SAE1: variants seen among roughly 807,000 people sequenced by gnomAD.
SAE1 encodes the protein SUMO-activating enzyme subunit 1.
In SAE1, 11 loss-of-function variants were observed where a neutral mutation model predicts 40.6. The ratio of observed to expected loss-of-function variants is 0.27; its 90% CI spans 0.17 to 0.45. The LOEUF (loss-of-function observed/expected upper bound fraction) is 0.45. Among genes scored for constraint, SAE1 ranks in the 20% least tolerant of loss-of-function variants. The probability of loss-of-function intolerance (pLI) is 1.00; values close to 1 mark genes in which losing one functional copy is unlikely to be tolerated. For missense variants in SAE1, 373 were observed against 427.3 expected (o/e 0.87, Z 1.12); for synonymous variants, 155 against 154.3 (o/e 1.00, Z -0.03).
At chr19:47,206,991 A>T (rs941103358) in intron 8 of SAE1, among the ~76,000 whole-genome samples, 3 of 152,188 alleles carry the variant, frequency 2.0e-5, no homozygotes, top group Non-Finnish European at 2.9e-5. Flanking sequence ...GGCATAGAGT[A>T]GATGCTTAAT....
intron 6 of SAE1, among the ~76,000 whole-genome samples, chr19:47,171,282 CTTTTAATTTTTA>C (rs938594398): frequency 2.6e-5 from 4 of 151,016 alleles, no homozygotes; most frequent in Non-Finnish European, 4.4e-5. Context: ...AAACCTGGCA[CTTTTAATTTTTA>C]TTTTAATTTT....
intron 5 of SAE1, among the ~76,000 whole-genome samples, chr19:47,161,054 TG>T (rs1439501188): frequency 6.6e-6 from 1 of 152,078 alleles, no homozygotes. Flanking sequence ...CAGGCTGGAG[TG>T]CAGTGGCACA....
At chr19:47,175,844 T>C (rs1037599481) in intron 6 of SAE1, among the ~76,000 whole-genome samples, 1 of 152,238 alleles carries the variant, frequency 6.6e-6, no homozygotes, top group Non-Finnish European at 1.5e-5. Context: ...GAAAAAACTC[T>C]GGTGCAGATA....
At chr19:47,188,170 G>A (rs2058555756) in intron 6 of SAE1, among the ~76,000 whole-genome samples, 1 of 151,902 alleles carries the variant, frequency 6.6e-6, no homozygotes, top group Non-Finnish European at 1.5e-5. Context: ...GCAACATGGT[G>A]AGACCTCGTC....
At chr19:47,170,753 C>T (rs907129356) in intron 6 of SAE1, among the ~76,000 whole-genome samples, 5 of 152,182 alleles carry the variant, frequency 3.3e-5, no homozygotes, top group Admixed American at 6.6e-5. Flanking sequence ...GTGAAATCCC[C>T]GCGTTGGCCT....
intron 6 of SAE1, chr19:47,180,252 A>G (rs2123275471): frequency 2.2e-6 from 1 of 456,310 alleles, no homozygotes. Context: ...AAGAGAAACC[A>G]GGGTTCCTTG....
intron 6 of SAE1, among the ~76,000 whole-genome samples, chr19:47,175,566 GTCT>G (rs2058464209): frequency 1.3e-5 from 2 of 151,910 alleles, no homozygotes; most frequent in South Asian, 4.1e-4. Context: ...GTGAAATCCC[GTCT>G]CTACTAAAAA....
In SAE1 at chr19:47,155,727, C is replaced by T. The variant is rs531953111; in HGVS notation, c.627+514C>T. 3.3e-5 allele frequency among the ~76,000 whole-genome samples: 5 copies of T among 151,418 alleles called. No homozygotes were observed. The South Asian group carries it at 1.0e-3, about 32-fold the overall frequency. On this transcript the variant is annotated intron_variant, in intron 5 of 8. Coordinates refer to ENST00000270225, the MANE Select transcript of SAE1 (RefSeq NM_005500.3). The stretch of plus-strand genomic sequence containing the variant: ...AAAGTGCTGGGATTACAGGCGTGAG[C>T]CACCATGCCCGGCCCCATACCCTTT...
At chr19:47,163,453 C>T (rs879116289) in intron 5 of SAE1, among the ~76,000 whole-genome samples, 2 of 152,042 alleles carry the variant, frequency 1.3e-5, no homozygotes, top group African/African-American at 2.4e-5. Flanking sequence ...GGAGGCCAGG[C>T]GCAGTGCCTC....
At chr19:47,183,250 A>T (rs1035123048) in intron 6 of SAE1, among the ~76,000 whole-genome samples, 1 of 151,852 alleles carries the variant, frequency 6.6e-6, no homozygotes, top group Non-Finnish European at 1.5e-5. Flanking sequence ...TGATCATATT[A>T]AATCTTCATG....
chr19:47,142,820 T>A (rs936761931), intron 1 of SAE1, among the ~76,000 whole-genome samples: 1 of 152,230 alleles, frequency 6.6e-6, no homozygotes, highest in Non-Finnish European at 1.5e-5. Flanking sequence ...AAGGCTTGTA[T>A]GATTTCTGTC....
chr19:47,197,285 T>C lies in SAE1; in HGVS notation c.786T>C (p.Tyr262=), dbSNP rs117605411. 4.3e-3 allele frequency: 6,982 copies of C among 1,614,022 alleles called. 57 individuals are homozygous for C. Among genetic ancestry groups the C allele is most frequent in the South Asian group, 0.023 (2,117 of 91,080 alleles). Residue 262 remains tyrosine (Y), a synonymous_variant, in exon 7 of 9, where the codon TAT becomes TAC. Transcript: ENST00000270225. The part of the protein sequence containing the change: ...DKGRDPSSDT[Y]EEDSELLLQI... ...GAAGAGATCCCAGTTCTGATACATA[T>C]GAGGAAGATTCTGAGTTGTTGCTCC...
At chr19:47,148,258 G>A (rs1228308936) in intron 2 of SAE1, among the ~76,000 whole-genome samples, 1 of 152,022 alleles carries the variant, frequency 6.6e-6, no homozygotes, top group South Asian at 2.1e-4. Context: ...GATGGAATGG[G>A]TCAAGGATAC....
intron 4 of SAE1, among the ~76,000 whole-genome samples, 176 bp from the exon 5 acceptor site, chr19:47,154,938 A>C (rs1194614614): frequency 6.6e-6 from 1 of 152,172 alleles, no homozygotes; most frequent in Non-Finnish European, 1.5e-5. Context: ...TGAGTGCCCA[A>C]CAGTGTACCA....
At chr19:47,183,162 C>T (rs974905817) in intron 6 of SAE1, among the ~76,000 whole-genome samples, 2 of 152,096 alleles carry the variant, frequency 1.3e-5, no homozygotes, top group African/African-American at 4.8e-5. Flanking sequence ...GTGATCCACC[C>T]ACCTTGGCCT....
intron 6 of SAE1, among the ~76,000 whole-genome samples, chr19:47,185,040 G>T (rs923367105): frequency 1.3e-5 from 2 of 151,744 alleles, no homozygotes; most frequent in African/African-American, 4.8e-5. Context: ...GGCTGCTCTC[G>T]AACTCCTGAC....
chr19:47,131,059 G>A, intron 1 of SAE1, 31 bp downstream of exon 1: 1 of 1,503,668 alleles, frequency 6.7e-7, no homozygotes, highest in South Asian at 1.3e-5. Context: ...AGGCCGCTAG[G>A]GTCTGGAGGG....
rs376581089 is a variant in SAE1, at chr19:47,206,204, C to T, written c.948+2464C>T. Among the ~76,000 whole-genome samples the T allele has an allele frequency of 7.9e-5, 12 of 152,220 alleles. No individual in the cohort carries two copies. The East Asian group carries it at 1.5e-3, about 20-fold the overall frequency. On this transcript the variant is annotated intron_variant, in intron 8 of 8. Transcript: ENST00000270225. ...CTGTTTATCCCAGATAGCCAGAGTA[C>T]TCTGCATTCTTCGTTGCTGGGTGTG...
At chr19:47,157,897 G>A (rs1245124976) in intron 5 of SAE1, among the ~76,000 whole-genome samples, 1 of 152,140 alleles carries the variant, frequency 6.6e-6, no homozygotes, top group Non-Finnish European at 1.5e-5. Context: ...GGGCCCTGCG[G>A]ACCGACTGGG....
Sources: allele counts gnomAD v4.1 joint callset (sites outside exome capture counted in the v4.1 genomes callset), GRCh38; gene constraint gnomAD v4.1.1; transcripts MANE v1.5; gene names NCBI Gene and HGNC (gene_info 2026-07-23, HGNC 2026-07-21).